Variants in SLC22A25 observed in about 807,000 individuals in gnomAD.
SLC22A25 encodes the protein MGI:2442751, MGI:2385316, MGI:3042283, MGI:3645714, MGI:3605624, MGI:2442750.
Under a neutral mutation model 45.9 loss-of-function variants are expected in SLC22A25, and 44 were observed. That is an observed-to-expected ratio of 0.96 (90% CI 0.75 to 1.23). The LOEUF (loss-of-function observed/expected upper bound fraction) is 1.23. Among genes scored for constraint, SLC22A25 ranks in the 50% most tolerant of loss-of-function variants. The probability of loss-of-function intolerance (pLI) is 0.00; values close to 1 mark genes in which losing one functional copy is unlikely to be tolerated. For synonymous variants in SLC22A25, 283 were observed against 238.6 expected (o/e 1.19, Z -1.72); for missense variants, 800 against 666.4 (o/e 1.20, Z -2.21).
chr11:63,174,885 C>T (rs1326361022), intron 9 of SLC22A25, among the ~76,000 whole-genome samples: 5 of 152,028 alleles, frequency 3.3e-5, no homozygotes, highest in African/African-American at 4.8e-5. Context: ...GGGGAATTGG[C>T]GGTGTTTGTC....
intron 5 of SLC22A25, among the ~76,000 whole-genome samples, chr11:63,227,421 G>T (rs1477831584): frequency 6.6e-6 from 1 of 152,108 alleles, no homozygotes; most frequent in Non-Finnish European, 1.5e-5. Flanking sequence ...CTGGCCCAGG[G>T]TGTGTCTAGA....
At chr11:63,183,870 C>A in intron 7 of SLC22A25, 53 bp from the exon 8 acceptor site, 1 of 1,608,740 alleles carries the variant, frequency 6.2e-7, no homozygotes. Context: ...CTCATTTTTT[C>A]ACATAACATT....
chr11:63,183,892 GCCTTTC>G (rs2088423097), intron 7 of SLC22A25, 75 bp from the exon 8 acceptor site: 1 of 1,591,602 alleles, frequency 6.3e-7, no homozygotes, highest in Admixed American at 1.7e-5. Context: ...ATCCTGAGAT[GCCTTTC>G]CCCTCTAAGC....
rs1271754395 is a variant in SLC22A25, at chr11:63,195,205, T to G, written c.831-11388A>C. Among the ~76,000 whole-genome samples the G allele has an allele frequency of 3.3e-5, 5 of 152,102 alleles. 1 individual carries two copies. Among genetic ancestry groups the G allele is most frequent in the Admixed American group, 3.3e-4 (5 of 15,264 alleles). Reference sequence around the variant, plus strand: ...CATTAGACAGCTCAGTGAGACAGAATGTTAACAAGGATATACAGGAACTAA... The same window carrying G: ...CATTAGACAGCTCAGTGAGACAGAAGGTTAACAAGGATATACAGGAACTAA... On this transcript the variant is annotated intron_variant, in intron 7 of 11. Transcript: ENST00000306494.
chr11:63,201,348 G>A (rs532094369), intron 7 of SLC22A25, among the ~76,000 whole-genome samples: 2 of 152,034 alleles, frequency 1.3e-5, no homozygotes, highest in South Asian at 4.2e-4. Context: ...ACAGAAATAA[G>A]ACCAAACACC....
intron 3 of SLC22A25, among the ~76,000 whole-genome samples, chr11:63,233,031 T>C (rs1167678892): frequency 6.6e-6 from 1 of 152,172 alleles, no homozygotes; most frequent in Non-Finnish European, 1.5e-5. Context: ...CTGGATTCGG[T>C]TTGCCAGTAT....
intron 3 of SLC22A25, among the ~76,000 whole-genome samples, chr11:63,230,422 G>A (rs1329823104): frequency 6.6e-6 from 1 of 152,134 alleles, no homozygotes; most frequent in South Asian, 2.1e-4. Context: ...TGAATAATGT[G>A]TACAACCAGG....
At chr11:63,230,871 A>G (rs781416897) in intron 3 of SLC22A25, among the ~76,000 whole-genome samples, 2 of 152,132 alleles carry the variant, frequency 1.3e-5, no homozygotes, top group Non-Finnish European at 2.9e-5. Flanking sequence ...TCATTGTTCA[A>G]TTCCCACCTA....
At chr11:63,242,309 C>T (rs541162856) in intron 1 of SLC22A25, among the ~76,000 whole-genome samples, 8 of 152,286 alleles carry the variant, frequency 5.3e-5, no homozygotes, top group Admixed American at 2.6e-4. Flanking sequence ...GACCAGATGT[C>T]AGAACCAACA....
chr11:63,216,715 A>G (rs1204014569), intron 7 of SLC22A25, among the ~76,000 whole-genome samples: 1 of 152,140 alleles, frequency 6.6e-6, no homozygotes, highest in East Asian at 1.9e-4. Context: ...AACGGGTATT[A>G]GGCTTAATAC....
intron 6 of SLC22A25, 35 bp downstream of exon 6, chr11:63,217,546 G>A: frequency 1.9e-6 from 3 of 1,609,794 alleles, no homozygotes; most frequent in Non-Finnish European, 2.5e-6. Context: ...TCAAAGCCAA[G>A]GCTTGGAAAA....
intron 7 of SLC22A25, among the ~76,000 whole-genome samples, chr11:63,214,280 T>C (rs572958312): frequency 6.6e-6 from 1 of 152,324 alleles, no homozygotes; most frequent in Non-Finnish European, 1.5e-5. Flanking sequence ...GCGCAGTTGA[T>C]AGCATTAACA....
intron 9 of SLC22A25, among the ~76,000 whole-genome samples, chr11:63,177,759 A>G (rs1254514042): frequency 1.3e-5 from 2 of 149,796 alleles, no homozygotes; most frequent in Non-Finnish European, 3.0e-5. Context: ...GCTGAATAAT[A>G]TTCCATTATA....
chr11:63,163,589 C>A lies in SLC22A25; in HGVS notation c.*235G>T, dbSNP rs967086611. On this transcript the variant is annotated 3_prime_UTR_variant, in exon 12 of 12. Transcript: ENST00000306494. ...CAAGAGTATGCATGTCATACCAGGG[C>A]AGGAAGGGCAGAGGTCACCTAATTT... 2.6e-5 allele frequency among the ~76,000 whole-genome samples: 4 copies of A among 151,892 alleles called. No homozygotes were observed. Among genetic ancestry groups the A allele is most frequent in the Non-Finnish European group, 5.9e-5 (4 of 67,984 alleles).
intron 7 of SLC22A25, among the ~76,000 whole-genome samples, chr11:63,189,656 T>A (rs1193844418): frequency 6.6e-6 from 1 of 152,216 alleles, no homozygotes; most frequent in Non-Finnish European, 1.5e-5. Context: ...TCTTTACAAT[T>A]TGGCATGTTT....
intron 7 of SLC22A25, among the ~76,000 whole-genome samples, chr11:63,201,711 GTAAAC>G (rs1164845296): frequency 1.3e-5 from 2 of 152,090 alleles, no homozygotes; most frequent in Non-Finnish European, 2.9e-5. Flanking sequence ...TATCAACAGA[GTAAAC>G]AGACAACCTA....
At chr11:63,191,036 C>T (rs975810064) in intron 7 of SLC22A25, among the ~76,000 whole-genome samples, 2 of 152,078 alleles carry the variant, frequency 1.3e-5, no homozygotes, top group Non-Finnish European at 2.9e-5. Flanking sequence ...CTCAGATCTC[C>T]AGCTATGTGC....
At chr11:63,181,165 A>C (rs2088304943) in intron 8 of SLC22A25, among the ~76,000 whole-genome samples, 1 of 151,656 alleles carries the variant, frequency 6.6e-6, no homozygotes, top group East Asian at 1.9e-4. Flanking sequence ...GGTGAAAAAC[A>C]GTTTGCCTGC....
chr11:63,228,307 C>A (rs2090001898), intron 5 of SLC22A25, among the ~76,000 whole-genome samples, 154 bp downstream of exon 5: 1 of 152,180 alleles, frequency 6.6e-6, no homozygotes, highest in Non-Finnish European at 1.5e-5. Flanking sequence ...TAGCACTCAC[C>A]ACACTCACCA....
Sources: gnomAD v4.1 joint callset for allele counts (sites outside exome capture counted in the v4.1 genomes callset) on GRCh38, gnomAD v4.1.1 for gene constraint, MANE v1.5 for transcripts, NCBI Gene and HGNC (gene_info 2026-07-23, HGNC 2026-07-21) for gene names.